Variants in MECOM observed in about 807,000 individuals in gnomAD.
The protein encoded by MECOM is histone-lysine N-methyltransferase MECOM.
In MECOM, 13 loss-of-function variants were observed where a neutral mutation model predicts 116.3. The ratio of observed to expected loss-of-function variants is 0.11; its 90% CI spans 0.07 to 0.18. MECOM has a LOEUF of 0.18. Ranked by LOEUF, MECOM falls within the 10% of genes least tolerant of loss-of-function variation. The probability of loss-of-function intolerance (pLI) is 1.00; values close to 1 mark genes in which losing one functional copy is unlikely to be tolerated. For missense variants in MECOM, 1,299 were observed against 1,509.0 expected (o/e 0.86, Z 2.31); for synonymous variants, 528 against 535.2 (o/e 0.99, Z 0.19).
intron 1 of MECOM, among the ~76,000 whole-genome samples, chr3:169,520,463 C>T (rs1166066865): frequency 6.6e-6 from 1 of 152,158 alleles, no homozygotes; most frequent in East Asian, 1.9e-4. Flanking sequence ...TCTCTAAGCT[C>T]CAATGTCCTC....
At chr3:169,230,530 G>T (rs1247832727) in intron 2 of MECOM, among the ~76,000 whole-genome samples, 1 of 152,104 alleles carries the variant, frequency 6.6e-6, no homozygotes, top group African/African-American at 2.4e-5. Context: ...TTAAAAAGAT[G>T]CATAACAAGT....
intron 2 of MECOM, among the ~76,000 whole-genome samples, chr3:169,243,158 T>G (rs1011415310): frequency 6.6e-6 from 1 of 152,210 alleles, no homozygotes; most frequent in African/African-American, 2.4e-5. Context: ...CATCTTCTTT[T>G]TGAATAATGG....
rs545019496 is a variant in MECOM at position 169,342,641 on chromosome 3, CAGA to C, written c.375+38543_375+38545del. Reference sequence around the variant, plus strand: ...TGCTTGATGATATGTAAAATGAAAACAGAAGGTTTCCTCTAATAATTGTTGCTC... The same window carrying C: ...TGCTTGATGATATGTAAAATGAAAACAGGTTTCCTCTAATAATTGTTGCTC... On this transcript the variant is annotated intron_variant, in intron 2 of 16. Coordinates refer to ENST00000651503, the MANE Select transcript of MECOM (RefSeq NM_004991.4). Among the ~76,000 whole-genome samples the C allele has an allele frequency of 4.5e-4, 69 of 152,190 alleles. 1 individual carries two copies. The highest frequency in any genetic ancestry group is 1.5e-3 in the African/African-American group (61 of 41,508).
chr3:169,320,727 T>C (rs1246232939), intron 2 of MECOM, among the ~76,000 whole-genome samples: 1 of 152,238 alleles, frequency 6.6e-6, no homozygotes, highest in Non-Finnish European at 1.5e-5. Context: ...AATGAAACTG[T>C]ATTTTCTTTC....
At chr3:169,182,330 C>T (rs1746078707) in intron 2 of MECOM, among the ~76,000 whole-genome samples, 1 of 152,202 alleles carries the variant, frequency 6.6e-6, no homozygotes, top group Non-Finnish European at 1.5e-5. Flanking sequence ...CAAGCAGACT[C>T]TCAGGTTTTA....
intron 2 of MECOM, among the ~76,000 whole-genome samples, chr3:169,321,238 T>C (rs1458103327): frequency 6.6e-6 from 1 of 152,190 alleles, no homozygotes. Context: ...ATAGGAAAAG[T>C]GCTGTTAGAA....
chr3:169,444,734 G>C (rs868476889), intron 1 of MECOM, among the ~76,000 whole-genome samples: 56 of 152,182 alleles, frequency 3.7e-4, no homozygotes, highest in African/African-American at 1.3e-3. Context: ...GAACAGTTTG[G>C]AGGGCTCAGA....
intron 1 of MECOM, among the ~76,000 whole-genome samples, chr3:169,397,804 T>C (rs1367370934): frequency 6.6e-6 from 1 of 152,186 alleles, no homozygotes; most frequent in African/African-American, 2.4e-5. Context: ...CCTCTGTGGG[T>C]AAAAAGGTTG....
intron 1 of MECOM, among the ~76,000 whole-genome samples, chr3:169,482,526 G>A (rs1367467931): frequency 6.6e-6 from 1 of 151,888 alleles, no homozygotes; most frequent in Non-Finnish European, 1.5e-5. Flanking sequence ...AGTAGAGACG[G>A]GGTGTCACCG....
At chr3:169,616,633 C>T (rs1770046456) in intron 1 of MECOM, among the ~76,000 whole-genome samples, 1 of 152,202 alleles carries the variant, frequency 6.6e-6, no homozygotes. Flanking sequence ...AGTCACTGCA[C>T]ACGGCCAATT....
chr3:169,147,740 G>A (rs1167459763), intron 2 of MECOM: 3 of 982,498 alleles, frequency 3.1e-6, no homozygotes, highest in Non-Finnish European at 1.2e-6. Flanking sequence ...GTGTGCGCGC[G>A]AGTGTGTGTG....
chr3:169,284,193 G>A (rs1046524367), intron 2 of MECOM, among the ~76,000 whole-genome samples: 6 of 152,180 alleles, frequency 3.9e-5, no homozygotes, highest in African/African-American at 1.4e-4. Flanking sequence ...AAGGGAAAAT[G>A]AAGTTTAGGT....
In MECOM at chr3:169,115,335, G is replaced by A. The variant is rs200193811; in HGVS notation, c.2489+48C>T. 2.4e-4 allele frequency: 381 copies of A among 1,560,410 alleles called. 2 individuals carry two copies. The African/African-American group carries it at 3.8e-3, about 16-fold the overall frequency. Reference sequence around the variant, plus strand: ...GCCATCACTTTACAGTGGAAATACCGCCTTTCATACATCTGCTCATATTTC... The same window carrying A: ...GCCATCACTTTACAGTGGAAATACCACCTTTCATACATCTGCTCATATTTC... On this transcript the variant is annotated intron_variant, in intron 8 of 16. Transcript: ENST00000651503.
intron 2 of MECOM, among the ~76,000 whole-genome samples, chr3:169,158,903 G>A (rs1160629228): frequency 6.6e-6 from 1 of 152,098 alleles, no homozygotes; most frequent in Non-Finnish European, 1.5e-5. Context: ...TTTGTGTGTG[G>A]TCCAGGTGAT....
At chr3:169,569,945 G>C (rs1318038802) in intron 1 of MECOM, among the ~76,000 whole-genome samples, 1 of 152,074 alleles carries the variant, frequency 6.6e-6, no homozygotes, top group Non-Finnish European at 1.5e-5. Context: ...AGAGAAGCAA[G>C]AGCAAACAAA....
chr3:169,193,689 A>T (rs1748019279), intron 2 of MECOM, among the ~76,000 whole-genome samples: 1 of 152,032 alleles, frequency 6.6e-6, no homozygotes, highest in Non-Finnish European at 1.5e-5. Context: ...CTCAAGGATG[A>T]CATGGCTAAA....
intron 1 of MECOM, among the ~76,000 whole-genome samples, chr3:169,501,985 A>G (rs1754599265): frequency 6.6e-6 from 1 of 152,144 alleles, no homozygotes; most frequent in Middle Eastern, 3.2e-3. Flanking sequence ...CAATAATGCT[A>G]CACAGTGCAT....
At chr3:169,501,320 C>T (rs1754496268) in intron 1 of MECOM, among the ~76,000 whole-genome samples, 1 of 151,736 alleles carries the variant, frequency 6.6e-6, no homozygotes, top group African/African-American at 2.4e-5. Context: ...AAATTACATC[C>T]CTAGAGCTAA....
At chr3:169,204,503 T>A (rs990671499) in intron 2 of MECOM, among the ~76,000 whole-genome samples, 1 of 152,224 alleles carries the variant, frequency 6.6e-6, no homozygotes, top group African/African-American at 2.4e-5. Flanking sequence ...ATTATTTATA[T>A]GCCCCTGCCT....
Sources: gnomAD v4.1 joint callset for allele counts (sites outside exome capture counted in the v4.1 genomes callset) on GRCh38, gnomAD v4.1.1 for gene constraint, MANE v1.5 for transcripts, NCBI Gene and HGNC (gene_info 2026-07-23, HGNC 2026-07-21) for gene names.